COL21A1: variants seen among roughly 807,000 people sequenced by gnomAD.
COL21A1 encodes collagen type XXI alpha 1 chain, also known as collagen alpha-1(XXI) chain.
A neutral mutation model predicts 137.9 loss-of-function variants in COL21A1; 149 were observed. That is an observed-to-expected ratio of 1.08 (90% CI 0.95 to 1.24). The LOEUF (loss-of-function observed/expected upper bound fraction) is 1.24. COL21A1 is among the 50% of genes most tolerant of loss of function. COL21A1 has a pLI of 0.00. For missense variants in COL21A1, 1,167 were observed against 1,158.4 expected, an observed-to-expected ratio of 1.01 and a Z score of -0.11; for synonymous variants, 456 against 391.5, an observed-to-expected ratio of 1.16 and a Z score of -1.95.
At chr6:56,230,274 C>T (rs1024833895) in intron 1 of COL21A1, among the ~76,000 whole-genome samples, 1 of 151,878 alleles carries the variant, frequency 6.6e-6, no homozygotes, top group Non-Finnish European at 1.5e-5. Flanking sequence ...TTGTATCAAT[C>T]TCAAAGAACT....
chr6:56,282,931 TTAAG>T (rs1471940010), intron 1 of COL21A1, among the ~76,000 whole-genome samples: 1 of 152,240 alleles, frequency 6.6e-6, no homozygotes, highest in Non-Finnish European at 1.5e-5. Flanking sequence ...TGAATTACTA[TTAAG>T]TTTTAATGGC....
At chr6:56,290,203 GT>G (rs1441232035) in intron 1 of COL21A1, among the ~76,000 whole-genome samples, 1 of 152,078 alleles carries the variant, frequency 6.6e-6, no homozygotes, top group Non-Finnish European at 1.5e-5. Flanking sequence ...GATGAGCTGG[GT>G]TGACCTTGCC....
chr6:56,249,045 A>T (rs1782782092), upstream of COL21A1, among the ~76,000 whole-genome samples: 1 of 152,236 alleles, frequency 6.6e-6, no homozygotes, highest in Admixed American at 6.5e-5. Flanking sequence ...AAGAGTAAAA[A>T]GACAGTTTTA....
At chr6:56,301,472 C>G (rs1199082804) in intron 1 of COL21A1, among the ~76,000 whole-genome samples, 4 of 152,148 alleles carry the variant, frequency 2.6e-5, no homozygotes, top group African/African-American at 9.7e-5. Flanking sequence ...AGACTCTGAC[C>G]TACAGAAGAT....
intron 1 of COL21A1, among the ~76,000 whole-genome samples, chr6:56,188,469 A>G (rs1778445482): frequency 6.6e-6 from 1 of 152,210 alleles, no homozygotes. Context: ...ATCTCTGAAA[A>G]TAAGGCAGCA....
intron 16 of COL21A1, among the ~76,000 whole-genome samples, chr6:56,105,197 G>C (rs1366164922): frequency 6.6e-6 from 1 of 152,112 alleles, no homozygotes; most frequent in East Asian, 1.9e-4. Flanking sequence ...AACTAGCTGT[G>C]CATGTTTAAC....
At chr6:56,114,990 G>T (rs1310389567) in intron 16 of COL21A1, among the ~76,000 whole-genome samples, 1 of 151,606 alleles carries the variant, frequency 6.6e-6, no homozygotes, top group Non-Finnish European at 1.5e-5. Context: ...ATACTATGCA[G>T]CCATAAAAAA....
chr6:56,265,383 G>A (rs1488907999), intron 1 of COL21A1, among the ~76,000 whole-genome samples: 1 of 152,168 alleles, frequency 6.6e-6, no homozygotes, highest in East Asian at 1.9e-4. Flanking sequence ...GTCAGTGTTA[G>A]TCCAAAAACC....
At chr6:56,083,710 C>T (rs1767985254) in intron 17 of COL21A1, among the ~76,000 whole-genome samples, 1 of 151,810 alleles carries the variant, frequency 6.6e-6, no homozygotes, top group South Asian at 2.1e-4. Flanking sequence ...AATTATGAAG[C>T]TACTAATACT....
chr6:56,206,303 T>A (rs1554163215), intron 1 of COL21A1, among the ~76,000 whole-genome samples: 11 of 124,850 alleles, frequency 8.8e-5, no homozygotes, highest in African/African-American at 6.1e-5. Context: ...ACCAAGCAAA[T>A]GGAAAGCAAA....
intron 1 of COL21A1, among the ~76,000 whole-genome samples, chr6:56,268,637 A>G (rs138912583): frequency 6.1e-4 from 93 of 152,294 alleles, no homozygotes; most frequent in South Asian, 1.7e-3. Context: ...AAGCCAATTG[A>G]CTATACTCAA....
At chr6:56,337,423 C>A (rs145480891) in intron 1 of COL21A1, among the ~76,000 whole-genome samples, 83 of 152,252 alleles carry the variant, frequency 5.5e-4, no homozygotes, top group African/African-American at 1.9e-3. Flanking sequence ...GCCATTAGGC[C>A]TATATGAAAG....
At chr6:56,064,533 G>T in intron 24 of COL21A1, 45 bp downstream of exon 24, 2 of 1,313,214 alleles carry the variant, frequency 1.5e-6, no homozygotes, top group South Asian at 1.3e-5. Context: ...GTCCAGTTAT[G>T]TGACTTGTTA....
At chr6:56,098,668 T>G (rs866819532) in intron 17 of COL21A1, among the ~76,000 whole-genome samples, 1 of 48,968 alleles carries the variant, frequency 2.0e-5, no homozygotes, top group African/African-American at 1.0e-4. Context: ...TATATATAAA[T>G]ATATATATAA....
rs901148603 is a variant in COL21A1, at chr6:56,120,856, G to C, written c.1758+3206C>G. On this transcript the variant is annotated intron_variant, in intron 16 of 29. Coordinates refer to ENST00000244728, the MANE Select transcript of COL21A1 (RefSeq NM_030820.4). ...TACCATATGATCCAGCAATCCCACT[G>C]CTGGGTATGTACCCAAAAGAAGAAA... Among the ~76,000 whole-genome samples the C allele has an allele frequency of 7.9e-5, 12 of 151,134 alleles. 1 individual carries two copies. In the South Asian group the frequency reaches 2.5e-3, roughly 32 times the overall value.
At chr6:56,299,282 G>A (rs564848822) in intron 1 of COL21A1, among the ~76,000 whole-genome samples, 14 of 152,214 alleles carry the variant, frequency 9.2e-5, no homozygotes, top group African/African-American at 3.4e-4. Context: ...GCATAACAGA[G>A]AGTTTCAGCT....
At chr6:56,381,221 AT>A (rs1461992476) in intron 1 of COL21A1, among the ~76,000 whole-genome samples, 9 of 152,156 alleles carry the variant, frequency 5.9e-5, no homozygotes. Context: ...GGGGGCAAGA[AT>A]TTTTTTAATT....
intron 1 of COL21A1, among the ~76,000 whole-genome samples, chr6:56,230,094 A>T (rs181373551): frequency 9.9e-5 from 15 of 152,088 alleles, no homozygotes; most frequent in African/African-American, 3.1e-4. Context: ...GAATAAATAC[A>T]GATGTGTCAC....
chr6:56,241,328 A>C (rs1782309146), intron 1 of COL21A1, among the ~76,000 whole-genome samples: 1 of 152,152 alleles, frequency 6.6e-6, no homozygotes, highest in South Asian at 2.1e-4. Context: ...CAAAAGCCAA[A>C]TTGGCCGGCA....
Sources: gnomAD v4.1 joint callset for allele counts (sites outside exome capture counted in the v4.1 genomes callset) on GRCh38, gnomAD v4.1.1 for gene constraint, MANE v1.5 for transcripts, NCBI Gene and HGNC (gene_info 2026-07-23, HGNC 2026-07-21) for gene names.